TENM2: variants seen among roughly 807,000 people sequenced by gnomAD.
TENM2 encodes teneurin transmembrane protein 2.
A neutral mutation model predicts 245.2 loss-of-function variants in TENM2; 52 were observed. The ratio of observed to expected loss-of-function variants is 0.21; its 90% confidence interval spans 0.17 to 0.27. The LOEUF (loss-of-function observed/expected upper bound fraction) is 0.27. TENM2 is among the 10% of genes least tolerant of loss of function. The pLI is 1.00. For missense variants in TENM2, 3,046 were observed against 3,666.8 expected (o/e 0.83, Z 4.37); for synonymous variants, 1,363 against 1,438.9 (o/e 0.95, Z 1.19).
At chr5:167,536,881 G>A (rs750931606) in intron 2 of TENM2, among the ~76,000 whole-genome samples, 1 of 151,984 alleles carries the variant, frequency 6.6e-6, no homozygotes, top group Non-Finnish European at 1.5e-5. Context: ...AAATTAGCCA[G>A]GTAATGGTGG....
intron 12 of TENM2, among the ~76,000 whole-genome samples, chr5:168,137,717 T>G (rs1449371362): frequency 1.3e-5 from 2 of 152,222 alleles, no homozygotes; most frequent in African/African-American, 4.8e-5. Flanking sequence ...CCGGAGGCAG[T>G]GTGAGAAACT....
At chr5:167,659,487 C>T (rs553196868) in intron 2 of TENM2, among the ~76,000 whole-genome samples, 1 of 152,238 alleles carries the variant, frequency 6.6e-6, no homozygotes, top group South Asian at 2.1e-4. Context: ...AAATGAAATA[C>T]TCAGTACTTT....
At chr5:168,191,429 A>G (rs568981403) in intron 14 of TENM2, among the ~76,000 whole-genome samples, 1 of 152,178 alleles carries the variant, frequency 6.6e-6, no homozygotes, top group South Asian at 2.1e-4. Context: ...AGTTGGTCCA[A>G]GTCCAGATGT....
At chr5:168,238,337 G>C (rs912988260) in intron 25 of TENM2, among the ~76,000 whole-genome samples, 1 of 150,400 alleles carries the variant, frequency 6.6e-6, no homozygotes, top group African/African-American at 2.5e-5. Context: ...AGAAAATGAA[G>C]ATGTCCTCTA....
intron 2 of TENM2, among the ~76,000 whole-genome samples, chr5:167,502,974 C>T (rs116207006): frequency 0.028 from 4,249 of 152,120 alleles, 179 homozygotes; most frequent in African/African-American, 0.097. Context: ...CGACTACAGG[C>T]GCACGCCACC....
the TENM2 span, among the ~76,000 whole-genome samples, chr5:167,091,213 G>A: frequency 6.6e-6 from 1 of 151,996 alleles, no homozygotes; most frequent in Non-Finnish European, 1.5e-5. Flanking sequence ...TCATTTCCTG[G>A]GGGCTGGGGG....
intron 7 of TENM2, among the ~76,000 whole-genome samples, chr5:168,073,695 T>A (rs569840736): frequency 6.6e-6 from 1 of 152,344 alleles, no homozygotes; most frequent in South Asian, 2.1e-4. Flanking sequence ...TAACTGGGAA[T>A]GCACACTTTC....
intron 5 of TENM2, among the ~76,000 whole-genome samples, chr5:168,044,952 C>T (rs1236546211): frequency 1.4e-5 from 2 of 147,310 alleles, no homozygotes; most frequent in African/African-American, 2.5e-5. Flanking sequence ...AAAGTGCCAA[C>T]AAAAACCTAT....
At chr5:167,436,065 C>T (rs891583230) in intron 2 of TENM2, among the ~76,000 whole-genome samples, 1 of 146,358 alleles carries the variant, frequency 6.8e-6, no homozygotes, top group African/African-American at 2.6e-5. Flanking sequence ...GTAACCTCTG[C>T]CTGCCTGGGT....
Position 167,894,917 on chromosome 5 carries a change from GGAAA to G in TENM2, c.712+18726_712+18729del, listed in dbSNP as rs1775052499. ...AGAGGTTGCCTCTTCTACTCACCCT[GGAAA>G]GAAGGAAGGAAGGAAGGAAGGAAGG... is the stretch of plus-strand genomic sequence containing the variant. On this transcript the variant is annotated intron_variant, in intron 3 of 28. Coordinates refer to ENST00000518659, the Ensembl canonical transcript of TENM2. Among the ~76,000 whole-genome samples the G allele has an allele frequency of 7.1e-5, 9 of 126,102 alleles. No individual in the cohort carries two copies. In the Admixed American group the frequency reaches 8.5e-4, roughly 12 times the overall value. The allele number at this position is 126,102 out of a possible 152,430, so 82.7% of individuals were successfully genotyped here.
chr5:166,999,317 C>T, the TENM2 span, among the ~76,000 whole-genome samples: 1 of 152,104 alleles, frequency 6.6e-6, no homozygotes, highest in Non-Finnish European at 1.5e-5. Context: ...AGTATGACCT[C>T]CAGGGTTATG....
chr5:167,567,263 T>A (rs1773964736), intron 2 of TENM2, among the ~76,000 whole-genome samples: 2 of 152,176 alleles, frequency 1.3e-5, no homozygotes, highest in Non-Finnish European at 2.9e-5. Flanking sequence ...GGAAAAAATA[T>A]ATAGGCAATT....
intron 2 of TENM2, among the ~76,000 whole-genome samples, chr5:167,665,275 A>G (rs1444039930): frequency 6.6e-6 from 1 of 152,188 alleles, no homozygotes; most frequent in Middle Eastern, 3.2e-3. Context: ...CATACAGTAA[A>G]CAAATGAAAG....
At chr5:168,096,101 A>G (rs1486767606) in intron 8 of TENM2, among the ~76,000 whole-genome samples, 1 of 152,192 alleles carries the variant, frequency 6.6e-6, no homozygotes, top group Non-Finnish European at 1.5e-5. Flanking sequence ...TAATAAGTAA[A>G]CCTGCCCTTT....
chr5:167,080,772 C>T, the TENM2 span, among the ~76,000 whole-genome samples: 85 of 152,152 alleles, frequency 5.6e-4, 1 homozygote, highest in African/African-American at 2.0e-3. Context: ...TGTATCTTCT[C>T]AAAGAATATG....
chr5:168,172,220 G>A (rs1298405299), intron 13 of TENM2, among the ~76,000 whole-genome samples: 3 of 152,170 alleles, frequency 2.0e-5, no homozygotes, highest in African/African-American at 7.2e-5. Context: ...CACCCAAAAT[G>A]TCAATAACAC....
At chr5:168,198,188 C>CTTTTTTTTTTTTT (rs35539116) in intron 15 of TENM2, among the ~76,000 whole-genome samples, 3 of 95,834 alleles carry the variant, frequency 3.1e-5, no homozygotes, top group African/African-American at 4.7e-5. Flanking sequence ...CCAATGAACC[C>CTTTTTTTTTTTTT]TTTTTTTTTT....
At chr5:167,570,339 T>C (rs972031693) in intron 2 of TENM2, among the ~76,000 whole-genome samples, 25 of 126,012 alleles carry the variant, frequency 2.0e-4, no homozygotes, top group Middle Eastern at 4.7e-3. Flanking sequence ...TCAATAACTA[T>C]TGGGAATGGA....
chr5:167,212,653 A>G, the TENM2 span, among the ~76,000 whole-genome samples: 1,183 of 152,322 alleles, frequency 7.8e-3, 16 homozygotes, highest in African/African-American at 0.026. Flanking sequence ...TTTGGTTTAT[A>G]CAAAGGTAAA....
Sources: gnomAD v4.1 joint callset for allele counts (sites outside exome capture counted in the v4.1 genomes callset) on GRCh38, gnomAD v4.1.1 for gene constraint, MANE v1.5 for transcripts, NCBI Gene and HGNC (gene_info 2026-07-23, HGNC 2026-07-21) for gene names.